The following DNAJC1 variants were observed in gnomAD, a reference collection of about 807,000 sequenced individuals.
DNAJC1 encodes dnaJ homolog subfamily C member 1.
In DNAJC1, 58 loss-of-function variants were observed where a neutral mutation model predicts 76.6. That is an observed-to-expected ratio of 0.76 (90% CI 0.61 to 0.94). The LOEUF (loss-of-function observed/expected upper bound fraction) is 0.94, where lower values mean the gene tolerates loss of function less well. Ranked by LOEUF, DNAJC1 falls within the 40% of genes least tolerant of loss-of-function variation. DNAJC1 has a pLI of 0.00. For missense variants in DNAJC1, 689 were observed against 677.3 expected (o/e 1.02, Z -0.19); for synonymous variants, 258 against 267.9 (o/e 0.96, Z 0.36).
chr10:21,907,057 T>G (rs1248381007), intron 6 of DNAJC1, among the ~76,000 whole-genome samples: 2 of 152,124 alleles, frequency 1.3e-5, no homozygotes, highest in African/African-American at 4.8e-5. Context: ...AACCTCTCCC[T>G]AGTAGTCCTG....
At chr10:21,989,036 A>G (rs1838291514) in intron 1 of DNAJC1, among the ~76,000 whole-genome samples, 1 of 152,142 alleles carries the variant, frequency 6.6e-6, no homozygotes, top group African/African-American at 2.4e-5. Flanking sequence ...TAGAAATGCT[A>G]CTTGACTGTT....
intron 8 of DNAJC1, among the ~76,000 whole-genome samples, chr10:21,840,339 A>G (rs1416034236): frequency 1.3e-5 from 2 of 152,218 alleles, no homozygotes; most frequent in South Asian, 2.1e-4. Flanking sequence ...ACATGATTGT[A>G]TATCTAGAAA....
intron 9 of DNAJC1, among the ~76,000 whole-genome samples, chr10:21,786,742 A>C (rs1246280032): frequency 1.3e-5 from 2 of 152,058 alleles, no homozygotes; most frequent in African/African-American, 4.8e-5. Flanking sequence ...AAGCACTGGG[A>C]TTATAGGCAT....
chr10:21,920,773 C>A, intron 4 of DNAJC1, 25 bp downstream of exon 4: 2 of 1,571,138 alleles, frequency 1.3e-6, no homozygotes, highest in South Asian at 1.2e-5. Flanking sequence ...GAGGCTAGTT[C>A]ATTTGATTTA....
intron 1 of DNAJC1, among the ~76,000 whole-genome samples, chr10:21,959,569 T>C (rs1023153714): frequency 2.0e-5 from 3 of 151,986 alleles, no homozygotes; most frequent in Non-Finnish European, 4.4e-5. Flanking sequence ...GCAGATCACC[T>C]GAGGTCAGGA....
chr10:21,818,535 C>T (rs917662315), intron 8 of DNAJC1, among the ~76,000 whole-genome samples: 18 of 152,146 alleles, frequency 1.2e-4, no homozygotes, highest in African/African-American at 3.9e-4. Flanking sequence ...TGCTCCCTCC[C>T]CTTTTGAAAA....
intron 9 of DNAJC1, among the ~76,000 whole-genome samples, chr10:21,778,058 G>A (rs924030233): frequency 2.0e-4 from 31 of 152,182 alleles, no homozygotes; most frequent in East Asian, 3.9e-4. Flanking sequence ...GTGTGGTAGC[G>A]CACACTTGTA....
intron 1 of DNAJC1, among the ~76,000 whole-genome samples, chr10:21,972,576 A>G (rs1446359638): frequency 6.6e-6 from 1 of 152,094 alleles, no homozygotes; most frequent in Non-Finnish European, 1.5e-5. Flanking sequence ...TTGAAGATAA[A>G]ATAAACTCTA....
intron 7 of DNAJC1, among the ~76,000 whole-genome samples, chr10:21,888,652 A>G (rs1369626057): frequency 1.3e-5 from 2 of 152,248 alleles, no homozygotes; most frequent in Admixed American, 6.5e-5. Context: ...GGAGGCTGTT[A>G]TCCTTAGCAA....
chr10:21,972,965 G>C (rs1208460003), intron 1 of DNAJC1, among the ~76,000 whole-genome samples: 2 of 152,000 alleles, frequency 1.3e-5, no homozygotes, highest in Admixed American at 1.3e-4. Flanking sequence ...TTTCAAATCA[G>C]CTTCCAGCTT....
At chr10:21,785,336 C>T (rs1302347088) in intron 9 of DNAJC1, 1 of 152,224 alleles carries the variant, frequency 6.6e-6, no homozygotes, top group Non-Finnish European at 1.5e-5. Flanking sequence ...TACTAATTTG[C>T]AAGGATTGAA....
At chr10:21,979,252 T>C (rs547296220) in intron 1 of DNAJC1, among the ~76,000 whole-genome samples, 12 of 152,178 alleles carry the variant, frequency 7.9e-5, no homozygotes, top group Middle Eastern at 3.4e-3. Flanking sequence ...TTCTACTATG[T>C]AAAGCTATCT....
chr10:21,956,284 G>T (rs1321593096), intron 1 of DNAJC1, among the ~76,000 whole-genome samples: 1 of 152,126 alleles, frequency 6.6e-6, no homozygotes, highest in Non-Finnish European at 1.5e-5. Flanking sequence ...TTTCATGAGG[G>T]TAGAGCCTTC....
intron 8 of DNAJC1, among the ~76,000 whole-genome samples, chr10:21,833,347 T>C (rs1188238630): frequency 1.3e-5 from 2 of 152,114 alleles, no homozygotes; most frequent in African/African-American, 4.8e-5. Context: ...GACGGGCGCC[T>C]GTAATCCCAG....
At chr10:21,760,008 A>G (rs1441319204) in intron 10 of DNAJC1, among the ~76,000 whole-genome samples, 1 of 152,272 alleles carries the variant, frequency 6.6e-6, no homozygotes, top group African/African-American at 2.4e-5. Context: ...ACAAAAATCA[A>G]CTGGTCAAAC....
At chr10:21,867,838 G>A (rs534388851) in intron 8 of DNAJC1, among the ~76,000 whole-genome samples, 4 of 151,916 alleles carry the variant, frequency 2.6e-5, no homozygotes, top group African/African-American at 7.3e-5. Context: ...TTGGGAGGCC[G>A]AGGCGGGCAG....
At chr10:21,818,904 T>A (rs971902438) in intron 8 of DNAJC1, among the ~76,000 whole-genome samples, 2 of 152,166 alleles carry the variant, frequency 1.3e-5, no homozygotes, top group African/African-American at 4.8e-5. Flanking sequence ...TTACATAAGA[T>A]TATATTACAA....
chr10:21,984,357 G>A (rs1564845025), intron 1 of DNAJC1, among the ~76,000 whole-genome samples: 1 of 152,158 alleles, frequency 6.6e-6, no homozygotes, highest in Admixed American at 6.5e-5. Context: ...CAAGGACCCA[G>A]GCCACTACTA....
intron 8 of DNAJC1, among the ~76,000 whole-genome samples, chr10:21,850,562 T>TAGGA (rs932701363): frequency 1.9e-4 from 28 of 151,324 alleles, no homozygotes; most frequent in Admixed American, 1.6e-3. Context: ...TAGTGCTTCC[T>TAGGA]AGCACAAGGG....
Sources: allele counts gnomAD v4.1 joint callset (sites outside exome capture counted in the v4.1 genomes callset), GRCh38; gene constraint gnomAD v4.1.1; transcripts MANE v1.5; gene names NCBI Gene and HGNC (gene_info 2026-07-23, HGNC 2026-07-21).